TAFA2: variants seen among roughly 807,000 people sequenced by gnomAD.
The protein encoded by TAFA2 is TAFA chemokine like family member 2.
TAFA2 carries 7 observed loss-of-function variants against 18.8 expected under a neutral mutation model. That is an observed-to-expected ratio of 0.37 (90% CI 0.21 to 0.70). The LOEUF (loss-of-function observed/expected upper bound fraction) is 0.70. Ranked by LOEUF, TAFA2 falls within the 30% of genes least tolerant of loss-of-function variation. The probability of loss-of-function intolerance (pLI) is 0.53; values close to 1 mark genes in which losing one functional copy is unlikely to be tolerated. For missense variants in TAFA2, 122 were observed against 158.1 expected (o/e 0.77, Z 1.23); for synonymous variants, 60 against 54.2 (o/e 1.11, Z -0.47).
chr12:62,213,473 T>C (rs2062722061), intron 1 of TAFA2, among the ~76,000 whole-genome samples: 1 of 152,082 alleles, frequency 6.6e-6, no homozygotes, highest in South Asian at 2.1e-4. Context: ...TGAAACCCCG[T>C]CTGTACTAAA....
intron 2 of TAFA2, among the ~76,000 whole-genome samples, chr12:61,769,540 C>G (rs1274807764): frequency 6.6e-6 from 1 of 152,050 alleles, no homozygotes; most frequent in African/African-American, 2.4e-5. Flanking sequence ...AGATGAGAGA[C>G]CTGAAGACAG....
intron 1 of TAFA2, among the ~76,000 whole-genome samples, chr12:62,134,876 C>G (rs1453634839): frequency 6.6e-6 from 1 of 151,972 alleles, no homozygotes; most frequent in Non-Finnish European, 1.5e-5. Context: ...TTCCATTCCC[C>G]CTGCCTGAAG....
rs375595444 is a variant in TAFA2 at position 61,917,598 on chromosome 12, G to A, written c.-1-50172C>T. ...GCTCTCTCAACTGACATATCAGGAAGCTTGGCAGGCGGATATTGAAGGGAA... is the reference window on the plus strand; with the variant it reads ...GCTCTCTCAACTGACATATCAGGAAACTTGGCAGGCGGATATTGAAGGGAA... On this transcript the variant is annotated intron_variant, in intron 1 of 4. Transcript: ENST00000416284. Among the ~76,000 whole-genome samples the A allele has an allele frequency of 1.4e-3, 206 of 152,280 alleles. 1 individual carries two copies. The highest frequency in any genetic ancestry group is 4.7e-3 in the African/African-American group (196 of 41,574).
chr12:61,722,150 G>A (rs79201333), intron 4 of TAFA2, among the ~76,000 whole-genome samples: 1 of 152,014 alleles, frequency 6.6e-6, no homozygotes, highest in African/African-American at 2.4e-5. Flanking sequence ...GAGGGGTTTT[G>A]GTTGTATAAG....
At chr12:61,821,480 CA>C (rs1872321056) in intron 2 of TAFA2, among the ~76,000 whole-genome samples, 1 of 151,364 alleles carries the variant, frequency 6.6e-6, no homozygotes. Flanking sequence ...AACTGGATTG[CA>C]AGCAAAAAAG....
chr12:61,905,540 A>G (rs1247190577), intron 1 of TAFA2, among the ~76,000 whole-genome samples: 1 of 152,200 alleles, frequency 6.6e-6, no homozygotes, highest in Non-Finnish European at 1.5e-5. Context: ...TTTTTTGTAA[A>G]TGAATGTGTA....
intron 2 of TAFA2, among the ~76,000 whole-genome samples, chr12:61,848,341 G>T (rs1167570224): frequency 1.3e-5 from 2 of 152,274 alleles, no homozygotes; most frequent in South Asian, 2.1e-4. Context: ...TGTGCTCACT[G>T]TGTATAGGAA....
intron 2 of TAFA2, among the ~76,000 whole-genome samples, chr12:61,793,121 C>T (rs1871051138): frequency 1.3e-5 from 2 of 151,422 alleles, no homozygotes; most frequent in Non-Finnish European, 3.0e-5. Flanking sequence ...GGATGGTAGG[C>T]ACCTTATAGC....
At chr12:61,909,692 C>G (rs1293847931) in intron 1 of TAFA2, among the ~76,000 whole-genome samples, 5 of 152,092 alleles carry the variant, frequency 3.3e-5, no homozygotes, top group Non-Finnish European at 1.5e-5. Context: ...CTAAATGTTT[C>G]TAGAATAGGG....
At chr12:62,251,751 C>T (rs1311291277) in intron 1 of TAFA2, among the ~76,000 whole-genome samples, 15 of 152,202 alleles carry the variant, frequency 9.9e-5, no homozygotes. Flanking sequence ...TAAAACCCTA[C>T]ATCAATTAGT....
At chr12:61,928,597 G>A (rs1877412014) in intron 1 of TAFA2, among the ~76,000 whole-genome samples, 1 of 152,160 alleles carries the variant, frequency 6.6e-6, no homozygotes, top group South Asian at 2.1e-4. Flanking sequence ...CATTGTGGAA[G>A]ATAGTGTGGC....
chr12:61,970,635 C>G (rs993385022), intron 1 of TAFA2, among the ~76,000 whole-genome samples: 1 of 150,860 alleles, frequency 6.6e-6, no homozygotes, highest in Admixed American at 6.6e-5. Flanking sequence ...ATGTTCTTCT[C>G]GAGAAAATGA....
intron 1 of TAFA2, among the ~76,000 whole-genome samples, chr12:61,922,979 G>T (rs1393250066): frequency 1.3e-5 from 2 of 152,184 alleles, no homozygotes; most frequent in Non-Finnish European, 2.9e-5. Context: ...AAAGCCACCA[G>T]GAAGTTCAAA....
At chr12:62,237,476 A>G (rs2700269) in intron 1 of TAFA2, among the ~76,000 whole-genome samples, 135,656 of 152,286 alleles carry the variant, frequency 0.89, 60,554 homozygotes, top group Middle Eastern at 0.93. Flanking sequence ...AGTTTCCTTA[A>G]AACTGCTTTT....
intron 1 of TAFA2, among the ~76,000 whole-genome samples, chr12:61,871,888 C>A (rs190340559): frequency 2.0e-5 from 3 of 152,018 alleles, no homozygotes; most frequent in Non-Finnish European, 4.4e-5. Context: ...GTCAGGAGAT[C>A]GAGACCATCC....
At chr12:61,896,289 T>A (rs543629444) in intron 1 of TAFA2, among the ~76,000 whole-genome samples, 1 of 152,114 alleles carries the variant, frequency 6.6e-6, no homozygotes, top group Non-Finnish European at 1.5e-5. Flanking sequence ...AATTCTGGAA[T>A]GAAAAAAATT....
At chr12:61,805,996 G>A (rs1200287720) in intron 2 of TAFA2, among the ~76,000 whole-genome samples, 3 of 152,092 alleles carry the variant, frequency 2.0e-5, no homozygotes, top group Admixed American at 6.5e-5. Context: ...AATAATGGAA[G>A]GTAACAACAA....
At chr12:62,234,699 T>G in intron 1 of TAFA2, 1 of 1,049,636 alleles carries the variant, frequency 9.5e-7, no homozygotes. Context: ...GTTGCAGCAG[T>G]AAGGCCTTGC....
At chr12:62,248,484 T>A (rs1420064262) in intron 1 of TAFA2, among the ~76,000 whole-genome samples, 1 of 152,224 alleles carries the variant, frequency 6.6e-6, no homozygotes, top group East Asian at 1.9e-4. Context: ...CTCTATCACT[T>A]TTATGAGGTG....
Sources: gnomAD v4.1 joint callset for allele counts (sites outside exome capture counted in the v4.1 genomes callset) on GRCh38, gnomAD v4.1.1 for gene constraint, MANE v1.5 for transcripts, NCBI Gene and HGNC (gene_info 2026-07-23, HGNC 2026-07-21) for gene names.